The following KCNN1 variants were observed in gnomAD, a reference collection of about 807,000 sequenced individuals.
KCNN1 encodes small conductance calcium-activated potassium channel protein 1.
KCNN1 carries 20 observed loss-of-function variants against 44.7 expected under a neutral mutation model. The ratio of observed to expected loss-of-function variants is 0.45; its 90% CI spans 0.32 to 0.65. The LOEUF is 0.65. Ranked by LOEUF, KCNN1 falls within the 30% of genes least tolerant of loss-of-function variation. The probability of loss-of-function intolerance (pLI) is 0.05; values close to 1 mark genes in which losing one functional copy is unlikely to be tolerated. For missense variants in KCNN1, 632 were observed against 785.3 expected, an observed-to-expected ratio of 0.80 and a Z score of 2.33; for synonymous variants, 324 against 341.7, an observed-to-expected ratio of 0.95 and a Z score of 0.57.
At chr19:17,980,228 ATTTTTTTTTTTTTTT>A (rs34810089) in intron 3 of KCNN1, among the ~76,000 whole-genome samples, 14 of 44,534 alleles carry the variant, frequency 3.1e-4, no homozygotes, top group African/African-American at 9.8e-4. Flanking sequence ...CACCTAGCTA[ATTTTTTTTTTTTTTT>A]TTTTTTTTTT....
At chr19:17,985,884 C>A (rs1055137755) in intron 5 of KCNN1, among the ~76,000 whole-genome samples, 1 of 152,312 alleles carries the variant, frequency 6.6e-6, no homozygotes, top group East Asian at 1.9e-4. Context: ...AGGGCTAAGT[C>A]GGTTATTTAT....
intron 5 of KCNN1, 78 bp downstream of exon 5, chr19:17,985,531 G>C: frequency 7.4e-7 from 1 of 1,359,026 alleles, no homozygotes; most frequent in Non-Finnish European, 9.9e-7. Context: ...CATACCCCTT[G>C]CTGACAGGGT....
intron 1 of KCNN1, among the ~76,000 whole-genome samples, chr19:17,972,831 G>A (rs2032067697): frequency 6.6e-6 from 1 of 152,180 alleles, no homozygotes; most frequent in Non-Finnish European, 1.5e-5. Flanking sequence ...CAAGCCCGTT[G>A]GTAGATTTCA....
At chr19:17,963,333 G>A (rs1473097754), upstream of KCNN1, among the ~76,000 whole-genome samples, 1 of 134,336 alleles carries the variant, frequency 7.4e-6, no homozygotes, top group Non-Finnish European at 1.6e-5. Context: ...TTTTTTTTGA[G>A]ATAGAGTCTC....
At chr19:17,961,012 C>T (rs147755818) in intron 2 of KCNN1, among the ~76,000 whole-genome samples, 3,499 of 151,932 alleles carry the variant, frequency 0.023, 49 homozygotes, top group Middle Eastern at 0.037. Context: ...ATGGTGAAAC[C>T]CCGTCTCTAT....
intron 5 of KCNN1, among the ~76,000 whole-genome samples, chr19:17,987,557 A>G (rs1335131132): frequency 6.6e-6 from 1 of 152,052 alleles, no homozygotes; most frequent in East Asian, 1.9e-4. Context: ...ACTCTGTCCC[A>G]GTTGACAGGG....
chr19:17,978,423 T>TC (rs2032282646), intron 3 of KCNN1, among the ~76,000 whole-genome samples: 1 of 139,432 alleles, frequency 7.2e-6, no homozygotes, highest in Non-Finnish European at 1.6e-5. Context: ...CTGCCCAGCC[T>TC]GTTTTTTTTT....
Position 17,981,891 on chromosome 19 carries a change from C to A in KCNN1, c.681C>A (p.Asp227Glu). 1.9e-6 allele frequency: 3 copies of A among 1,612,408 alleles called. No homozygotes were observed. The highest frequency in any genetic ancestry group is 2.5e-6 in the Non-Finnish European group (3 of 1,178,894). ...YAPSVAEADV[D>E]VLLSIPMFLR... ...CCTCGGTGGCCGAGGCCGACGTGGACGTGCTGCTGTCCATCCCCATGTTCC... is the reference window on the plus strand; with the variant it reads ...CCTCGGTGGCCGAGGCCGACGTGGAAGTGCTGCTGTCCATCCCCATGTTCC... Residue 227 changes from aspartate (D) to glutamate (E), a missense_variant, in exon 4 of 10, where the codon GAC (aspartate) becomes GAA (glutamate). By Grantham distance (45) the Asp-to-Glu change is conservative (BLOSUM62 2). Transcript: ENST00000684775.
upstream of KCNN1, chr19:17,966,989 T>G: frequency 3.3e-6 from 1 of 300,668 alleles, no homozygotes; most frequent in Non-Finnish European, 4.9e-6. Context: ...CGCCGGGGAA[T>G]GTGGGATCTT....
At chr19:17,996,701 C>T (rs914195298) in intron 9 of KCNN1, among the ~76,000 whole-genome samples, 1 of 152,250 alleles carries the variant, frequency 6.6e-6, no homozygotes, top group African/African-American at 2.4e-5. Context: ...AGATGTCACC[C>T]TCTGGCTCTA....
At chr19:17,958,447 C>T (rs1000006098) in intron 2 of KCNN1, among the ~76,000 whole-genome samples, 2 of 150,232 alleles carry the variant, frequency 1.3e-5, no homozygotes, top group African/African-American at 4.9e-5. Flanking sequence ...CACTGCACTC[C>T]AAACTGCTGC....
chr19:17,965,165 C>T (rs371017045), upstream of KCNN1, among the ~76,000 whole-genome samples: 27 of 151,402 alleles, frequency 1.8e-4, no homozygotes, highest in African/African-American at 5.3e-4. Context: ...CATTGGAAGG[C>T]GGAGGCATGA....
At chr19:17,971,450 G>A (rs2032019984) in intron 1 of KCNN1, among the ~76,000 whole-genome samples, 1 of 151,840 alleles carries the variant, frequency 6.6e-6, no homozygotes, top group African/African-American at 2.4e-5. Context: ...GTGTCTTCAG[G>A]CAGGTTTGTA....
chr19:17,981,929 TGCTGGGCCG>T lies in KCNN1; in HGVS notation c.721_729del (p.Leu241_Arg243del). 6.2e-7 allele frequency: 1 copy of T among 1,613,006 alleles called. No individual in the cohort carries two copies. The highest frequency in any genetic ancestry group is 8.5e-7 in the Non-Finnish European group (1 of 1,179,536). ...ATCCCCATGTTCCTGCGCCTCTACC[TGCTGGGCCG>T]GGTGATGCTACTGCACAGCAAAATC... On this transcript the variant is annotated inframe_deletion, in exon 4 of 10. Transcript: ENST00000684775.
chr19:17,991,831 C>T (rs1226317552), intron 7 of KCNN1, among the ~76,000 whole-genome samples: 2 of 152,190 alleles, frequency 1.3e-5, no homozygotes, highest in Non-Finnish European at 2.9e-5. Flanking sequence ...TCCCACTCTT[C>T]AACTCTCTGC....
chr19:17,969,528 C>T (rs1008197640), intron 1 of KCNN1, among the ~76,000 whole-genome samples: 1 of 152,134 alleles, frequency 6.6e-6, no homozygotes, highest in African/African-American at 2.4e-5. Flanking sequence ...TCTTGGAAGC[C>T]ACCTGCCATT....
At chr19:17,981,290 G>A (rs966732928) in intron 3 of KCNN1, among the ~76,000 whole-genome samples, 1 of 149,886 alleles carries the variant, frequency 6.7e-6, no homozygotes, top group Non-Finnish European at 1.5e-5. Flanking sequence ...GGTGGCTTAC[G>A]CCTGTAATCC....
chr19:17,977,200 C>T (rs947821960), intron 3 of KCNN1, among the ~76,000 whole-genome samples: 6 of 152,142 alleles, frequency 3.9e-5, no homozygotes, highest in Admixed American at 2.0e-4. Flanking sequence ...TGGGGGTTCT[C>T]AGCTTAGGAG....
At position 17,982,115 on chromosome 19, in the gene KCNN1, G is replaced by A. The variant is rs1481868375; in HGVS notation, c.905G>A (p.Arg302His). ...SSWIIAAWTV[R>H]VCERYHDKQE... ...TGGATCATCGCAGCCTGGACCGTGC[G>A]CGTCTGCGAGAGGTGCGACCGCCGC... Residue 302 changes from arginine (R) to histidine (H), a missense_variant, in exon 4 of 10, where the codon CGC (arginine) becomes CAC (histidine). By Grantham distance (29) the Arg-to-His change is conservative. Around this residue, in one of 3 missense-constraint regions of KCNN1, gnomAD observed 160 missense variants for 308.3 expected, o/e 0.52. Coordinates refer to ENST00000684775, the MANE Select transcript of KCNN1 (RefSeq NM_001386974.1). The A allele has an allele frequency of 1.9e-6, 3 of 1,567,550 alleles. No individual in the cohort carries two copies. Among genetic ancestry groups the A allele is most frequent in the East Asian group, 2.3e-5 (1 of 43,386 alleles).
Sources: gnomAD v4.1 joint callset for allele counts (sites outside exome capture counted in the v4.1 genomes callset) on GRCh38, gnomAD v4.1.1 for gene constraint, gnomAD v4.1.1 regional missense constraint, MANE v1.5 for transcripts, NCBI Gene and HGNC (gene_info 2026-07-23, HGNC 2026-07-21) for gene names.